The following CHL1 variants were observed in gnomAD, a reference collection of about 807,000 sequenced individuals.
CHL1 encodes neural cell adhesion molecule L1-like protein.
A neutral mutation model predicts 141.9 loss-of-function variants in CHL1; 96 were observed. That is an observed-to-expected ratio of 0.68 (90% CI 0.57 to 0.80). The LOEUF (loss-of-function observed/expected upper bound fraction) is 0.80, where lower values mean the gene tolerates loss of function less well. CHL1 is among the 30% of genes least tolerant of loss of function. CHL1 has a pLI of 0.00. For synonymous variants in CHL1, 613 were observed against 502.2 expected, an observed-to-expected ratio of 1.22 and a Z score of -2.95; for missense variants, 1,820 against 1,457.2, an observed-to-expected ratio of 1.25 and a Z score of -4.05.
intron 1 of CHL1, among the ~76,000 whole-genome samples, chr3:206,635 G>A (rs1035139724): frequency 2.2e-4 from 33 of 152,298 alleles, no homozygotes; most frequent in African/African-American, 7.7e-4. Flanking sequence ...AGCTACTTGG[G>A]AGGCTGAGGT....
intron 2 of CHL1, among the ~76,000 whole-genome samples, chr3:262,349 C>T (rs374963974): frequency 2.8e-4 from 7 of 24,750 alleles, no homozygotes; most frequent in South Asian, 4.6e-3. Context: ...CTACACAGTA[C>T]TCACAGGGCA....
At position 363,306 on chromosome 3, in the gene CHL1, A is replaced by G; in HGVS notation, c.1508A>G (p.Glu503Gly). The G allele has an allele frequency of 1.2e-6, 2 of 1,613,818 alleles. No homozygotes were observed. Among genetic ancestry groups the G allele is most frequent in the Non-Finnish European group, 1.7e-6 (2 of 1,179,774 alleles). ...TTGCAGATCAACAGAACCACCGAAG[A>G]AGATGCTGGGTCTTACTCATGTTGG... The part of the protein sequence containing the change: ...GTLQINRTTE[E>G]DAGSYSCWVE... Residue 503 changes from glutamate (E) to glycine (G), a missense_variant, in exon 14 of 28, where the codon GAA (glutamate) becomes GGA (glycine). By Grantham distance (98) the Glu-to-Gly change is moderately conservative. Transcript: ENST00000256509.
chr3:231,183 G>C (rs777986123), intron 1 of CHL1, among the ~76,000 whole-genome samples: 39 of 152,182 alleles, frequency 2.6e-4, no homozygotes, highest in African/African-American at 9.2e-4. Flanking sequence ...CAAATTCCCT[G>C]GGAGGAGAAA....
At chr3:286,331 C>T (rs1274612325) in intron 2 of CHL1, among the ~76,000 whole-genome samples, 1 of 152,112 alleles carries the variant, frequency 6.6e-6, no homozygotes, top group Non-Finnish European at 1.5e-5. Flanking sequence ...GAAAGTAGGG[C>T]TGGGCATGGT....
intron 2 of CHL1, among the ~76,000 whole-genome samples, chr3:304,836 G>A (rs142224977): frequency 2.6e-5 from 4 of 152,080 alleles, no homozygotes; most frequent in East Asian, 1.9e-4. Context: ...TGATGTTAGG[G>A]TGTCAATTTT....
chr3:306,659 T>C (rs576484173), intron 2 of CHL1, among the ~76,000 whole-genome samples: 1 of 152,226 alleles, frequency 6.6e-6, no homozygotes, highest in Non-Finnish European at 1.5e-5. Context: ...CCAAAAAATT[T>C]GTCTCAGAGA....
intron 11 of CHL1, 76 bp from the exon 12 acceptor site, chr3:360,208 G>T: frequency 6.7e-7 from 1 of 1,494,214 alleles, no homozygotes. Context: ...AATACTGTGT[G>T]ACACATTTAA....
chr3:319,623 T>A (rs1437398479), intron 2 of CHL1, 60 bp from the exon 3 acceptor site: 4 of 524,412 alleles, frequency 7.6e-6, no homozygotes, highest in East Asian at 6.9e-5. Context: ...AGGTATTTAA[T>A]TTGTTCTGTT....
chr3:398,251 G>C lies in CHL1; in HGVS notation c.3119G>C (p.Gly1040Ala), dbSNP rs775076666. ...GGTAAAGGTATCGGGAAGATATCAG[G>C]AGTAAATCTTACTCAAAAGACTCAC... ...EGSKGIGKISGVNLTQKTHPI... is the reference protein window; with the variant it reads ...EGSKGIGKISAVNLTQKTHPI... Residue 1040 changes from glycine (G) to alanine (A), a missense_variant, in exon 25 of 28, where the codon GGA (glycine) becomes GCA (alanine). Transcript: ENST00000256509. The C allele has an allele frequency of 6.2e-7, 1 of 1,604,886 alleles. No homozygotes were observed. The highest frequency in any genetic ancestry group is 1.3e-5 in the African/African-American group (1 of 74,820).
chr3:244,379 G>T (rs1029684537), intron 1 of CHL1, among the ~76,000 whole-genome samples: 2 of 152,150 alleles, frequency 1.3e-5, no homozygotes, highest in Admixed American at 1.3e-4. Context: ...TTACGTGGCT[G>T]CTTTTTGCAT....
chr3:227,041 G>A (rs1431205865), intron 1 of CHL1, among the ~76,000 whole-genome samples: 2 of 152,126 alleles, frequency 1.3e-5, no homozygotes, highest in African/African-American at 4.8e-5. Flanking sequence ...TAGGTAAAAT[G>A]AATGTTTATG....
chr3:286,698 G>A (rs1697188876), intron 2 of CHL1, among the ~76,000 whole-genome samples: 1 of 151,916 alleles, frequency 6.6e-6, no homozygotes, highest in Non-Finnish European at 1.5e-5. Context: ...GAGCTACCCA[G>A]TTGCTTATAC....
intron 2 of CHL1, among the ~76,000 whole-genome samples, chr3:275,679 A>G (rs935188738): frequency 1.3e-5 from 2 of 152,166 alleles, no homozygotes; most frequent in Admixed American, 6.5e-5. Context: ...CTAACTTCAT[A>G]TATTCATGAG....
At chr3:387,029 A>T (rs1390901105) in intron 19 of CHL1, among the ~76,000 whole-genome samples, 1 of 152,232 alleles carries the variant, frequency 6.6e-6, no homozygotes, top group African/African-American at 2.4e-5. Context: ...TTTCTCAAGA[A>T]TAAATAAAAA....
intron 1 of CHL1, among the ~76,000 whole-genome samples, chr3:209,784 A>G (rs1367371174): frequency 6.6e-6 from 1 of 152,196 alleles, no homozygotes; most frequent in Non-Finnish European, 1.5e-5. Flanking sequence ...ATTGAACAGA[A>G]CCCAAATCTT....
At chr3:260,052 A>G (rs1694559357) in intron 2 of CHL1, among the ~76,000 whole-genome samples, 1 of 152,080 alleles carries the variant, frequency 6.6e-6, no homozygotes, top group African/African-American at 2.4e-5. Context: ...ATCACTCCAG[A>G]TCAGGAGTTC....
At chr3:276,476 A>T (rs1289631519) in intron 2 of CHL1, among the ~76,000 whole-genome samples, 1 of 152,190 alleles carries the variant, frequency 6.6e-6, no homozygotes, top group African/African-American at 2.4e-5. Flanking sequence ...ACTGCCTTTG[A>T]CCATGAGGTT....
chr3:245,578 C>A (rs571816960), intron 2 of CHL1, among the ~76,000 whole-genome samples: 3 of 152,160 alleles, frequency 2.0e-5, no homozygotes, highest in African/African-American at 7.2e-5. Context: ...TTCTTACTTT[C>A]TCAGGAGCAC....
chr3:216,967 G>A (rs565164838), intron 1 of CHL1, among the ~76,000 whole-genome samples: 45 of 152,144 alleles, frequency 3.0e-4, no homozygotes, highest in Non-Finnish European at 5.6e-4. Flanking sequence ...AATTAGTTAT[G>A]TGCCATTTCA....
Sources: gnomAD v4.1 joint callset for allele counts (sites outside exome capture counted in the v4.1 genomes callset) on GRCh38, gnomAD v4.1.1 for gene constraint, MANE v1.5 for transcripts, NCBI Gene and HGNC (gene_info 2026-07-23, HGNC 2026-07-21) for gene names.